The following ZFP1 variants were observed in gnomAD, a reference collection of about 807,000 sequenced individuals.
The protein encoded by ZFP1 is ZFP1 zinc finger protein, also known as zinc finger protein 1 homolog.
Under a neutral mutation model 38.5 loss-of-function variants are expected in ZFP1, and 32 were observed. The observed-to-expected ratio is 0.83, with a 90% CI of 0.63 to 1.12. The LOEUF (loss-of-function observed/expected upper bound fraction) is 1.12, where lower values mean the gene tolerates loss of function less well. ZFP1 is among the 50% of genes most tolerant of loss of function. The pLI is 0.00. For missense variants in ZFP1, 616 were observed against 480.8 expected, an observed-to-expected ratio of 1.28 and a Z score of -2.63; for synonymous variants, 245 against 168.8, an observed-to-expected ratio of 1.45 and a Z score of -3.50.
In ZFP1 at chr16:75,169,318, T is replaced by C. The variant is rs759627211; in HGVS notation, c.208T>C (p.Phe70Leu). The C allele has an allele frequency of 6.2e-7, 1 of 1,614,092 alleles. No homozygotes were observed. Among genetic ancestry groups the C allele is most frequent in the Non-Finnish European group, 8.5e-7 (1 of 1,180,004 alleles). The change falls in exon 4 of 4, where the codon TTT becomes CTT. Residue 70 changes from phenylalanine to leucine, a missense_variant. Transcript: ENST00000570010. ...HRNPDEQARQ[F>L]LILKNQTPIE... ...AAACCCAGACGAGCAGGCGAGGCAA[T>C]TTTTAATTCTTAAGAACCAAACCCC...
At chr16:75,163,052 T>C (rs999340671) in intron 2 of ZFP1, among the ~76,000 whole-genome samples, 9 of 150,936 alleles carry the variant, frequency 6.0e-5, no homozygotes, top group African/African-American at 1.7e-4. Flanking sequence ...TGGGATTACA[T>C]GCGCCCACCA....
Position 75,152,955 on chromosome 16 carries a change from A to C in ZFP1, c.4A>C (p.Asn2His), listed in dbSNP as rs760046969. The part of the protein sequence containing the change: M[N>H]KSQGSVSFTD... Reference sequence around the variant, plus strand: ...CCTTTGCCCAAAACTGCAGAAAATGAACAAATCCCAGGTGAGTTGTTTGTT... The same window carrying C: ...CCTTTGCCCAAAACTGCAGAAAATGCACAAATCCCAGGTGAGTTGTTTGTT... The change falls in exon 2 of 4, where the codon AAC becomes CAC. Residue 2 changes from asparagine (N) to histidine (H), a missense_variant. Physicochemically the swap from Asn to His is moderately conservative, Grantham distance 68. Coordinates refer to ENST00000570010, the MANE Select transcript of ZFP1 (RefSeq NM_153688.4). 6.2e-6 allele frequency: 10 copies of C among 1,613,908 alleles called. No homozygotes were observed. Among genetic ancestry groups the C allele is most frequent in the Non-Finnish European group, 4.2e-6 (5 of 1,179,932 alleles).
chr16:75,142,016 T>G, the ZFP1 span, among the ~76,000 whole-genome samples: 1,644 of 144,892 alleles, frequency 0.011, 34 homozygotes, highest in African/African-American at 0.039. Context: ...ATCGCGCCAC[T>G]GCACTCCAGC....
At chr16:75,146,111 C>G (rs555157675), upstream of ZFP1, among the ~76,000 whole-genome samples, 179 of 152,196 alleles carry the variant, frequency 1.2e-3, no homozygotes, top group Non-Finnish European at 2.1e-3. Flanking sequence ...GTCCAGGGAA[C>G]TCTCCTGTCT....
chr16:75,139,174 C>T, the ZFP1 span, among the ~76,000 whole-genome samples: 1 of 151,752 alleles, frequency 6.6e-6, no homozygotes, highest in African/African-American at 2.4e-5. Flanking sequence ...TCGAGACCAT[C>T]CTCGCTAACA....
chr16:75,150,824 C>CTTGA (rs2037161608), intron 1 of ZFP1, among the ~76,000 whole-genome samples: 2 of 152,110 alleles, frequency 1.3e-5, no homozygotes, highest in African/African-American at 4.8e-5. Flanking sequence ...TAGAATCTTC[C>CTTGA]TTGATTGATT....
rs376207465 is a variant in ZFP1 at position 75,157,103 on chromosome 16, C to T, written c.15+4137C>T. The stretch of plus-strand genomic sequence containing the variant: ...TCTCCTTCCCACTCCTAGGGATTTC[C>T]TTCCTCTCTCTCATGTTGATCTTTT... On this transcript the variant is annotated intron_variant, in intron 2 of 3. Transcript: ENST00000570010. 4.0e-4 allele frequency: 61 copies of T among 152,304 alleles called. 1 individual carries two copies. The highest frequency in any genetic ancestry group is 1.4e-3 in the African/African-American group (58 of 41,562). The allele number at this position is 152,304 out of a possible 1,614,324, so 9.4% of individuals were successfully genotyped here. A position where few individuals can be genotyped will look rare whatever the true frequency, so the allele number is the denominator to read the frequency against.
chr16:75,154,423 TG>T (rs1348402053), intron 2 of ZFP1, among the ~76,000 whole-genome samples: 1 of 152,206 alleles, frequency 6.6e-6, no homozygotes, highest in Admixed American at 6.6e-5. Flanking sequence ...GCAGGTTTTT[TG>T]GGGGCATGTT....
upstream of ZFP1, among the ~76,000 whole-genome samples, chr16:75,143,750 C>G (rs1458325286): frequency 6.8e-6 from 1 of 148,102 alleles, no homozygotes; most frequent in Admixed American, 6.9e-5. Context: ...CTCCTGGGCT[C>G]AAGTGAACCT....
intron 1 of ZFP1, among the ~76,000 whole-genome samples, chr16:75,149,520 T>C (rs1207416444): frequency 6.6e-6 from 1 of 151,986 alleles, no homozygotes; most frequent in African/African-American, 2.4e-5. Context: ...ATTGTAATAC[T>C]ATATTTTTGT....
chr16:75,125,795 C>T, the ZFP1 span, among the ~76,000 whole-genome samples: 1 of 151,950 alleles, frequency 6.6e-6, no homozygotes, highest in Non-Finnish European at 1.5e-5. Flanking sequence ...GTAAGCCCAG[C>T]ACTTTGGCAG....
chr16:75,139,857 C>A, the ZFP1 span, among the ~76,000 whole-genome samples: 1 of 152,086 alleles, frequency 6.6e-6, no homozygotes, highest in Non-Finnish European at 1.5e-5. Context: ...AGAGTTCCAG[C>A]GATGGATAGT....
chr16:75,169,848 A>G lies in ZFP1; in HGVS notation c.738A>G (p.Gly246=). Residue 246 remains glycine (G), a synonymous_variant, in exon 4 of 4, where the codon GGA becomes GGG. Coordinates refer to ENST00000570010, the MANE Select transcript of ZFP1 (RefSeq NM_153688.4). Reference sequence around the variant, plus strand: ...AACCTTTCGAGTGTCCGGAATGTGGAAAAGCTTTCACCCACCAGTCAAACC... The same window carrying G: ...AACCTTTCGAGTGTCCGGAATGTGGGAAAGCTTTCACCCACCAGTCAAACC... ...GEKPFECPEC[G]KAFTHQSNLI... 2 of 1,614,194 alleles carry G rather than the reference A, an allele frequency of 1.2e-6. No individual in the cohort carries two copies. The highest frequency in any genetic ancestry group is 2.2e-5 in the East Asian group (1 of 44,888).
intron 2 of ZFP1, among the ~76,000 whole-genome samples, chr16:75,165,111 A>C (rs1041153852): frequency 1.3e-5 from 2 of 151,988 alleles, no homozygotes; most frequent in East Asian, 1.9e-4. Context: ...GGCCTCCATA[A>C]ATCGAGTTTT....
At chr16:75,166,586 G>A in intron 2 of ZFP1, 184 bp from the exon 3 acceptor site, 1 of 985,194 alleles carries the variant, frequency 1.0e-6, no homozygotes, top group Non-Finnish European at 1.2e-6. Context: ...GAGATATAGG[G>A]GAATCTGAAT....
At chr16:75,167,036 C>A in intron 3 of ZFP1, 140 bp downstream of exon 3, 1 of 1,433,932 alleles carries the variant, frequency 7.0e-7, no homozygotes, top group Non-Finnish European at 9.3e-7. Flanking sequence ...ATCTTGCAGC[C>A]TTTAAAGCTC....
chr16:75,169,794 C>G lies in ZFP1; in HGVS notation c.684C>G (p.Ile228Met), dbSNP rs749654440. Reference sequence around the variant, plus strand: ...CCTTCTCCCATAAGGCCAACCTCATCAAACATCAGAGAATTCACACTGGGG... The same window carrying G: ...CCTTCTCCCATAAGGCCAACCTCATGAAACATCAGAGAATTCACACTGGGG... ...KKTFSHKANLIKHQRIHTGEK... is the reference protein window; with the variant it reads ...KKTFSHKANLMKHQRIHTGEK... Residue 228 changes from isoleucine (I) to methionine (M), a missense_variant, in exon 4 of 4, where the codon ATC (isoleucine) becomes ATG (methionine). Ile to Met is a conservative substitution (Grantham distance 10). Transcript: ENST00000570010. 4.3e-6 allele frequency: 7 copies of G among 1,614,082 alleles called. No homozygotes were observed. Among genetic ancestry groups the G allele is most frequent in the Non-Finnish European group, 5.9e-6 (7 of 1,180,014 alleles).
At chr16:75,159,377 C>G (rs1330443042) in intron 2 of ZFP1, among the ~76,000 whole-genome samples, 1 of 19,368 alleles carries the variant, frequency 5.2e-5, no homozygotes, top group Non-Finnish European at 1.7e-4. Context: ...CCCTCCCTCC[C>G]TTCCTTCCTT....
At chr16:75,151,943 TA>T (rs1380492907) in intron 1 of ZFP1, among the ~76,000 whole-genome samples, 1 of 152,238 alleles carries the variant, frequency 6.6e-6, no homozygotes, top group Non-Finnish European at 1.5e-5. Context: ...TTTTGAAAGA[TA>T]TTTTTGCTGG....
Sources: gnomAD v4.1 joint callset for allele counts (sites outside exome capture counted in the v4.1 genomes callset) on GRCh38, gnomAD v4.1.1 for gene constraint, MANE v1.5 for transcripts, NCBI Gene and HGNC (gene_info 2026-07-23, HGNC 2026-07-21) for gene names.